The following SH3PXD2B variants were observed in gnomAD, a reference collection of about 807,000 sequenced individuals.
The protein encoded by SH3PXD2B is SH3 and PX domain-containing protein 2B.
SH3PXD2B carries 37 observed loss-of-function variants against 73.1 expected under a neutral mutation model. That is an observed-to-expected ratio of 0.51 (90% CI 0.39 to 0.67). The LOEUF (loss-of-function observed/expected upper bound fraction) is 0.67, where lower values mean the gene tolerates loss of function less well. Among genes scored for constraint, SH3PXD2B ranks in the 30% least tolerant of loss-of-function variants. The pLI is 0.00. For synonymous variants in SH3PXD2B, 457 were observed against 480.5 expected, an observed-to-expected ratio of 0.95 and a Z score of 0.64; for missense variants, 1,053 against 1,197.8, an observed-to-expected ratio of 0.88 and a Z score of 1.78.
chr5:172,432,926 G>GA (rs1491499828), intron 1 of SH3PXD2B, among the ~76,000 whole-genome samples: 3 of 4,460 alleles, frequency 6.7e-4, no homozygotes, highest in Non-Finnish European at 1.7e-3. Context: ...AAAAAAAAAA[G>GA]GGGGGGGGGG....
In SH3PXD2B at chr5:172,454,453, A is replaced by C. The variant is rs2113531321; in HGVS notation, c.-101T>G. The C allele has an allele frequency of 1.6e-6, 1 of 627,772 alleles. No homozygotes were observed. Among genetic ancestry groups the C allele is most frequent in the Non-Finnish European group, 2.1e-6 (1 of 477,538 alleles). The allele number at this position is 627,772 out of a possible 1,614,324, so 38.9% of individuals were successfully genotyped here. On this transcript the variant is annotated 5_prime_UTR_variant, in exon 1 of 13. Coordinates refer to ENST00000311601, the MANE Select transcript of SH3PXD2B (RefSeq NM_001017995.3). ...GCCGCGGGCAGGGAACCTGGAGCTG[A>C]GCGCAATCGCAGCCGGGGCCGAGCA...
chr5:172,351,232 C>T (rs1297574954), intron 9 of SH3PXD2B, among the ~76,000 whole-genome samples: 2 of 152,162 alleles, frequency 1.3e-5, no homozygotes, highest in African/African-American at 2.4e-5. Flanking sequence ...TGGGCTCAAG[C>T]GATTCTCCCA....
intron 8 of SH3PXD2B, among the ~76,000 whole-genome samples, chr5:172,357,885 C>T (rs750591307): frequency 6.6e-6 from 1 of 152,210 alleles, no homozygotes; most frequent in Non-Finnish European, 1.5e-5. Flanking sequence ...CTTTATGTGG[C>T]TCCATGCTTT....
At chr5:172,409,269 C>G (rs1758633522) in intron 2 of SH3PXD2B, among the ~76,000 whole-genome samples, 1 of 152,048 alleles carries the variant, frequency 6.6e-6, no homozygotes, top group Admixed American at 6.5e-5. Flanking sequence ...GTAATCCCAG[C>G]TACTAGGGAG....
chr5:172,351,214 TG>T (rs1034425510), intron 9 of SH3PXD2B, among the ~76,000 whole-genome samples: 8 of 152,182 alleles, frequency 5.3e-5, no homozygotes, highest in African/African-American at 1.9e-4. Flanking sequence ...ACTGCAGCCT[TG>T]AACTCCTGGG....
intron 10 of SH3PXD2B, among the ~76,000 whole-genome samples, chr5:172,348,399 G>A (rs1757042404): frequency 6.6e-6 from 1 of 151,846 alleles, no homozygotes; most frequent in African/African-American, 2.4e-5. Flanking sequence ...CTTTTCATTG[G>A]CTGGACTAGT....
chr5:172,381,951 G>A (rs1474736171), intron 5 of SH3PXD2B, 85 bp downstream of exon 5: 25 of 1,072,752 alleles, frequency 2.3e-5, no homozygotes, highest in Non-Finnish European at 3.3e-5. Context: ...ACTTTTGGCT[G>A]CACTTTGCTT....
intron 3 of SH3PXD2B, among the ~76,000 whole-genome samples, chr5:172,397,830 T>C (rs1014620549): frequency 1.3e-5 from 2 of 152,142 alleles, no homozygotes; most frequent in Non-Finnish European, 2.9e-5. Context: ...ATGGAAAACA[T>C]GGGGTTTGTT....
At chr5:172,417,635 C>T (rs1758855506) in intron 2 of SH3PXD2B, among the ~76,000 whole-genome samples, 1 of 152,190 alleles carries the variant, frequency 6.6e-6, no homozygotes, top group South Asian at 2.1e-4. Context: ...AATCCCAAAG[C>T]CCAGGATCTT....
At position 172,339,715 on chromosome 5, in the gene SH3PXD2B, T is replaced by G; in HGVS notation, c.1390A>C (p.Thr464Pro). The G allele has an allele frequency of 6.2e-7, 1 of 1,614,134 alleles. No homozygotes were observed. The highest frequency in any genetic ancestry group is 8.5e-7 in the Non-Finnish European group (1 of 1,179,998). Reference protein sequence around the residue: ...ALENNTGSEATGPSRPLPDAP... With the variant: ...ALENNTGSEAPGPSRPLPDAP... Reference sequence around the variant, plus strand: ...TCAGGCAGGGGCCGGGAGGGGCCCGTGGCTTCGCTGCCCGTGTTGTTCTCC... The same window carrying G: ...TCAGGCAGGGGCCGGGAGGGGCCCGGGGCTTCGCTGCCCGTGTTGTTCTCC... The change falls in exon 13 of 13, where the codon ACG (threonine) becomes CCG (proline). Residue 464 changes from threonine (T) to proline (P), a missense_variant. Thr to Pro is a conservative substitution (Grantham distance 38). Around this residue, in one of 2 missense-constraint regions of SH3PXD2B, gnomAD observed 587 missense variants for 590.7 expected, o/e 0.99. Transcript: ENST00000311601. The surrounding 1 kb of genome is among the most constrained non-coding windows in gnomAD (Gnocchi z 6.1).
At chr5:172,439,710 A>G (rs1380623430) in intron 1 of SH3PXD2B, among the ~76,000 whole-genome samples, 11 of 147,690 alleles carry the variant, frequency 7.4e-5, no homozygotes, top group African/African-American at 1.9e-4. Context: ...ACACACACAC[A>G]CACACACACA....
Position 172,339,999 on chromosome 5 carries a change from T to C in SH3PXD2B, c.1189-83A>G. ...TGGTTTGGCAGAACCCATGTGCAACTGGAGCTCTAGAAGCTGTCACTGTGT... is the reference window on the plus strand; with the variant it reads ...TGGTTTGGCAGAACCCATGTGCAACCGGAGCTCTAGAAGCTGTCACTGTGT... On this transcript the variant is annotated intron_variant, in intron 12 of 12. Transcript: ENST00000311601. This position sits in a 1 kb window ranked among gnomAD's most constrained non-coding sequence, Gnocchi z 6.1. 1.3e-6 allele frequency: 2 copies of C among 1,582,004 alleles called. No individual in the cohort carries two copies. Among genetic ancestry groups the C allele is most frequent in the Non-Finnish European group, 1.7e-6 (2 of 1,164,160 alleles).
At chr5:172,419,843 G>A (rs1758917940) in intron 2 of SH3PXD2B, among the ~76,000 whole-genome samples, 2 of 152,192 alleles carry the variant, frequency 1.3e-5, no homozygotes, top group South Asian at 4.1e-4. Context: ...CAGGCAAGAG[G>A]CCTCTGAAAG....
At chr5:172,396,841 T>G (rs1055259936) in intron 3 of SH3PXD2B, among the ~76,000 whole-genome samples, 1 of 152,034 alleles carries the variant, frequency 6.6e-6, no homozygotes. Context: ...CTCAGGAGAC[T>G]GAGGCAGGAG....
rs897551973 is a variant in SH3PXD2B, at chr5:172,424,835, A to G, written c.76-2339T>C. Among the ~76,000 whole-genome samples, 38 of 152,196 alleles carry G rather than the reference A, an allele frequency of 2.5e-4. 1 individual carries two copies. Among genetic ancestry groups the G allele is most frequent in the African/African-American group, 8.7e-4 (36 of 41,456 alleles). ...CAGAGTTGTGATTAGCACAAGAGGA[A>G]AAGCTCTGAGCACCTTGCCAGGAAG... On this transcript the variant is annotated intron_variant, in intron 1 of 12. Transcript: ENST00000311601.
At chr5:172,367,389 GT>G (rs34660682) in intron 6 of SH3PXD2B, among the ~76,000 whole-genome samples, 58,287 of 137,562 alleles carry the variant, frequency 0.42, 12,295 homozygotes, top group East Asian at 0.64. Flanking sequence ...CCTCTCATCA[GT>G]TTTTTTTTTT....
At chr5:172,383,435 T>C (rs560868974) in intron 4 of SH3PXD2B, among the ~76,000 whole-genome samples, 4 of 152,376 alleles carry the variant, frequency 2.6e-5, no homozygotes, top group Admixed American at 2.0e-4. Context: ...CACTAGTTTC[T>C]GTGCCAAATA....
intron 12 of SH3PXD2B, 125 bp from the exon 13 acceptor site, chr5:172,340,041 G>A: frequency 6.5e-7 from 1 of 1,529,796 alleles, no homozygotes; most frequent in Non-Finnish European, 8.9e-7. Flanking sequence ...CAGCTCCTCT[G>A]ACAAGGTCTA....
chr5:172,397,682 T>C (rs1357041658), intron 3 of SH3PXD2B, among the ~76,000 whole-genome samples: 3 of 152,242 alleles, frequency 2.0e-5, no homozygotes, highest in African/African-American at 4.8e-5. Flanking sequence ...TCCCCCGATA[T>C]CTGGCACCCA....
Sources: allele counts gnomAD v4.1 joint callset (sites outside exome capture counted in the v4.1 genomes callset), GRCh38; gene constraint gnomAD v4.1.1; regional missense constraint gnomAD v4.1.1; non-coding constraint Gnocchi (gnomAD v3.1); transcripts MANE v1.5; gene names NCBI Gene and HGNC (gene_info 2026-07-23, HGNC 2026-07-21).